Variants in ERC2 observed in about 807,000 individuals in gnomAD.
ERC2 encodes ERC protein 2.
A neutral mutation model predicts 114.8 loss-of-function variants in ERC2; 42 were observed. The ratio of observed to expected loss-of-function variants is 0.37; its 90% CI spans 0.29 to 0.47. The LOEUF (loss-of-function observed/expected upper bound fraction) is 0.47, where lower values mean the gene tolerates loss of function less well. Among genes scored for constraint, ERC2 ranks in the 20% least tolerant of loss-of-function variants. ERC2 has a pLI of 0.99. For synonymous variants in ERC2, 454 were observed against 425.5 expected, an observed-to-expected ratio of 1.07 and a Z score of -0.82; for missense variants, 939 against 1,150.7, an observed-to-expected ratio of 0.82 and a Z score of 2.66.
intron 9 of ERC2, among the ~76,000 whole-genome samples, 165 bp downstream of exon 9, chr3:56,010,282 CAA>C (rs111539238): frequency 0.046 from 6,712 of 146,730 alleles, 516 homozygotes; most frequent in African/African-American, 0.16. Context: ...AAGGAAGTTA[CAA>C]AAAAAAAAAT....
At chr3:55,869,865 T>C (rs2062499818) in intron 14 of ERC2, among the ~76,000 whole-genome samples, 3 of 151,858 alleles carry the variant, frequency 2.0e-5, no homozygotes. Flanking sequence ...TCAAAACCCG[T>C]CACAAGAAGA....
intron 17 of ERC2, among the ~76,000 whole-genome samples, chr3:55,619,816 G>A (rs1335433726): frequency 2.0e-5 from 3 of 152,078 alleles, no homozygotes; most frequent in South Asian, 2.1e-4. Context: ...GCACCATAAC[G>A]CTTCTCTCAA....
intron 10 of ERC2, among the ~76,000 whole-genome samples, chr3:56,006,313 C>T (rs983889426): frequency 5.3e-5 from 8 of 152,000 alleles, no homozygotes; most frequent in African/African-American, 1.7e-4. Flanking sequence ...CCATCCATGT[C>T]ATATTTTTCA....
intron 3 of ERC2, among the ~76,000 whole-genome samples, chr3:56,218,334 T>G (rs1159237942): frequency 6.6e-6 from 1 of 152,124 alleles, no homozygotes; most frequent in East Asian, 1.9e-4. Context: ...GTGAAGGACA[T>G]GAACAGACAC....
At chr3:55,789,796 A>C (rs114440724) in intron 14 of ERC2, among the ~76,000 whole-genome samples, 4,288 of 152,266 alleles carry the variant, frequency 0.028, 135 homozygotes, top group Non-Finnish European at 0.037. Context: ...GTGATACAAA[A>C]AGGCAGAAGA....
chr3:55,849,063 G>A (rs774849114), intron 14 of ERC2, among the ~76,000 whole-genome samples: 9 of 152,142 alleles, frequency 5.9e-5, no homozygotes, highest in African/African-American at 9.7e-5. Flanking sequence ...TGGTAGGTGA[G>A]TCCACAGTCA....
chr3:56,039,301 T>C (rs1358468433), intron 7 of ERC2, among the ~76,000 whole-genome samples: 2 of 152,158 alleles, frequency 1.3e-5, no homozygotes, highest in African/African-American at 2.4e-5. Context: ...TCCAGTAATG[T>C]TGCAGGATAG....
Position 56,239,547 on chromosome 3 carries a change from G to A in ERC2, c.1074+56472C>T, listed in dbSNP as rs529369454. On this transcript the variant is annotated intron_variant, in intron 3 of 17. Transcript: ENST00000288221. Reference sequence around the variant, plus strand: ...TAAAAAGAAGATAAAAAGAATAAACGAAAGCCATGCTAAAAGCAGATAAAG... The same window carrying A: ...TAAAAAGAAGATAAAAAGAATAAACAAAAGCCATGCTAAAAGCAGATAAAG... Among the ~76,000 whole-genome samples the A allele has an allele frequency of 3.9e-5, 6 of 152,156 alleles. No individual in the cohort carries two copies. The East Asian group carries it at 9.7e-4, about 24-fold the overall frequency.
intron 17 of ERC2, among the ~76,000 whole-genome samples, chr3:55,635,950 C>G (rs1160849506): frequency 6.6e-6 from 1 of 151,722 alleles, no homozygotes; most frequent in Non-Finnish European, 1.5e-5. Context: ...GTGATCGGCT[C>G]ACTGCAACCT....
intron 2 of ERC2, among the ~76,000 whole-genome samples, chr3:56,312,116 C>T (rs945919880): frequency 8.5e-5 from 13 of 152,156 alleles, no homozygotes; most frequent in African/African-American, 3.1e-4. Context: ...GGGACTTGAG[C>T]GTCCACAGAT....
intron 6 of ERC2, among the ~76,000 whole-genome samples, chr3:56,134,912 T>C (rs1055609710): frequency 2.0e-5 from 2 of 102,496 alleles, no homozygotes. Context: ...ATCTCTCTCT[T>C]TTTTTTTGTT....
At chr3:55,766,274 A>G (rs1359720272) in intron 14 of ERC2, among the ~76,000 whole-genome samples, 2 of 72,816 alleles carry the variant, frequency 2.7e-5, no homozygotes, top group Non-Finnish European at 4.8e-5. Flanking sequence ...TCTCCACAAG[A>G]AAAAAAAAAA....
intron 3 of ERC2, among the ~76,000 whole-genome samples, chr3:56,273,302 C>T (rs1431268460): frequency 6.8e-6 from 1 of 147,764 alleles, no homozygotes; most frequent in Non-Finnish European, 1.5e-5. Flanking sequence ...TGTTCCATTG[C>T]CCAGGCCAGA....
intron 16 of ERC2, among the ~76,000 whole-genome samples, chr3:55,691,106 C>T (rs1445254439): frequency 1.3e-5 from 2 of 152,184 alleles, no homozygotes; most frequent in Non-Finnish European, 2.9e-5. Context: ...AACAAGCAAA[C>T]AAATAAACTG....
chr3:56,429,393 A>G (rs986484692), intron 2 of ERC2, among the ~76,000 whole-genome samples: 1 of 151,938 alleles, frequency 6.6e-6, no homozygotes, highest in African/African-American at 2.4e-5. Flanking sequence ...CCCTCCCCCA[A>G]CTGTTCTACA....
At chr3:55,544,350 A>G (rs1401704683) in intron 17 of ERC2, among the ~76,000 whole-genome samples, 1 of 152,126 alleles carries the variant, frequency 6.6e-6, no homozygotes, top group Admixed American at 6.5e-5. Context: ...TTAGGCCTCA[A>G]CGACAGCATT....
intron 3 of ERC2, among the ~76,000 whole-genome samples, chr3:56,193,894 C>T (rs9817254): frequency 0.13 from 19,191 of 152,118 alleles, 1,506 homozygotes; most frequent in African/African-American, 0.21. Flanking sequence ...GTTAAGGACA[C>T]TTCTATGTTT....
rs188984224 is a variant in ERC2, at chr3:56,213,396, G to A, written c.1075-39876C>T. Among the ~76,000 whole-genome samples the A allele has an allele frequency of 1.2e-3, 176 of 152,286 alleles. 1 individual carries two copies. Among genetic ancestry groups the A allele is most frequent in the African/African-American group, 4.0e-3 (167 of 41,568 alleles). ...CTGTGTCTGGCTCAGAGGGTCCTAC[G>A]CCCACGGAGCCTCGCTCATTGCTAG... On this transcript the variant is annotated intron_variant, in intron 3 of 17. Coordinates refer to ENST00000288221, the MANE Select transcript of ERC2 (RefSeq NM_015576.3).
At chr3:56,037,734 C>T (rs1440503335) in intron 7 of ERC2, among the ~76,000 whole-genome samples, 1 of 152,006 alleles carries the variant, frequency 6.6e-6, no homozygotes, top group Non-Finnish European at 1.5e-5. Flanking sequence ...GAAGATCAAC[C>T]CCAAGACACA....
Sources: gnomAD v4.1 joint callset for allele counts (sites outside exome capture counted in the v4.1 genomes callset) on GRCh38, gnomAD v4.1.1 for gene constraint, MANE v1.5 for transcripts, NCBI Gene and HGNC (gene_info 2026-07-23, HGNC 2026-07-21) for gene names.